ACOXL: variants seen among roughly 807,000 people sequenced by gnomAD.
The protein encoded by ACOXL is acyl-CoA oxidase like, also known as acyl-coenzyme A oxidase-like protein.
A neutral mutation model predicts 71.9 loss-of-function variants in ACOXL; 70 were observed. That is an observed-to-expected ratio of 0.97 (90% CI 0.80 to 1.19). The LOEUF (loss-of-function observed/expected upper bound fraction) is 1.19. ACOXL is among the 50% of genes most tolerant of loss of function. The pLI, the probability that ACOXL is intolerant of heterozygous loss-of-function variation, is 0.00. For missense variants in ACOXL, 703 were observed against 736.3 expected (o/e 0.95, Z 0.52); for synonymous variants, 253 against 281.6 (o/e 0.90, Z 1.02).
At chr2:110,860,408 C>T (rs11899021) in intron 10 of ACOXL, among the ~76,000 whole-genome samples, 6,175 of 152,264 alleles carry the variant, frequency 0.041, 215 homozygotes, top group African/African-American at 0.082. Flanking sequence ...CATGAGCCAC[C>T]GCGCCCAGCC....
chr2:110,805,517 C>T (rs570896243), intron 9 of ACOXL, 122 bp downstream of exon 9: 195 of 1,371,252 alleles, frequency 1.4e-4, no homozygotes, highest in Middle Eastern at 6.9e-4. Context: ...CCAGGGTTCC[C>T]GGTTAGATGC....
intron 11 of ACOXL, among the ~76,000 whole-genome samples, chr2:110,927,407 C>T (rs539321804): frequency 1.3e-5 from 2 of 152,316 alleles, no homozygotes; most frequent in Non-Finnish European, 2.9e-5. Context: ...TTCCCACTTC[C>T]ACCCCACCCA....
At chr2:110,954,669 C>A (rs1029537736) in intron 12 of ACOXL, among the ~76,000 whole-genome samples, 1 of 152,176 alleles carries the variant, frequency 6.6e-6, no homozygotes, top group Admixed American at 6.5e-5. Context: ...TTTTCTGATC[C>A]CACAAATTAG....
intron 17 of ACOXL, among the ~76,000 whole-genome samples, chr2:111,103,585 T>C (rs937771391): frequency 6.6e-6 from 1 of 152,214 alleles, no homozygotes; most frequent in African/African-American, 2.4e-5. Flanking sequence ...ACTTTGGGGA[T>C]GCAGGTGTCC....
intron 2 of ACOXL, among the ~76,000 whole-genome samples, chr2:110,776,757 G>A (rs1054549904): frequency 6.6e-6 from 1 of 152,028 alleles, no homozygotes; most frequent in African/African-American, 2.4e-5. Flanking sequence ...TCTTCAGACC[G>A]GATAAAATGG....
intron 14 of ACOXL, among the ~76,000 whole-genome samples, chr2:111,009,295 C>T (rs1257136111): frequency 6.6e-6 from 1 of 152,004 alleles, no homozygotes; most frequent in Non-Finnish European, 1.5e-5. Flanking sequence ...AGGCAGATCA[C>T]TTGAGGTCAA....
At chr2:110,978,069 G>T (rs530017694) in intron 12 of ACOXL, among the ~76,000 whole-genome samples, 7 of 152,274 alleles carry the variant, frequency 4.6e-5, no homozygotes, top group Non-Finnish European at 8.8e-5. Context: ...GGTATGATGT[G>T]CTTGCTGCTT....
At chr2:110,890,518 C>G (rs1311593028) in intron 10 of ACOXL, among the ~76,000 whole-genome samples, 1 of 152,152 alleles carries the variant, frequency 6.6e-6, no homozygotes, top group Non-Finnish European at 1.5e-5. Flanking sequence ...AAACTTCTTT[C>G]TTTTTCATGT....
chr2:110,976,814 A>G (rs1394096136), intron 12 of ACOXL, among the ~76,000 whole-genome samples: 2 of 152,234 alleles, frequency 1.3e-5, no homozygotes, highest in Admixed American at 1.3e-4. Flanking sequence ...TTCTTGAAAC[A>G]AGAGAAAGAA....
chr2:111,092,641 A>G (rs1309173541), intron 16 of ACOXL, among the ~76,000 whole-genome samples: 1 of 152,090 alleles, frequency 6.6e-6, no homozygotes, highest in African/African-American at 2.4e-5. Flanking sequence ...TCGTTATGCT[A>G]TTTGTTCTAC....
chr2:110,965,651 C>T (rs1338099561), intron 12 of ACOXL, among the ~76,000 whole-genome samples: 1 of 152,140 alleles, frequency 6.6e-6, no homozygotes, highest in Non-Finnish European at 1.5e-5. Context: ...CAAAAAAGGA[C>T]AATAGGGACT....
In ACOXL at chr2:110,833,492, C is replaced by A. The variant is rs373329466; in HGVS notation, c.754-7879C>A. Among the ~76,000 whole-genome samples the A allele has an allele frequency of 2.6e-5, 4 of 152,250 alleles. No homozygotes were observed. The South Asian group carries it at 8.3e-4, about 32-fold the overall frequency. ...GGATGCTTGCGGGGATGGAGATGTC[C>A]TGTGGCTTGACTCTATCAGGGGAGT... On this transcript the variant is annotated intron_variant, in intron 9 of 17. Coordinates refer to ENST00000439055, the MANE Select transcript of ACOXL (RefSeq NM_001142807.4).
chr2:110,941,933 C>G (rs1661842490), intron 12 of ACOXL, among the ~76,000 whole-genome samples: 3 of 152,060 alleles, frequency 2.0e-5, no homozygotes, highest in African/African-American at 7.2e-5. Context: ...GTTTTTAGCA[C>G]TTAAATATCT....
intron 13 of ACOXL, among the ~76,000 whole-genome samples, chr2:110,988,646 A>G (rs1224633120): frequency 6.6e-6 from 1 of 152,098 alleles, no homozygotes; most frequent in Non-Finnish European, 1.5e-5. Flanking sequence ...AGCAGCATGT[A>G]TCTTGTGGGG....
Position 111,073,580 on chromosome 2 carries a change from T to TCC in ACOXL, c.1441-19285_1441-19284insCC, listed in dbSNP as rs1165677790. Among the ~76,000 whole-genome samples the TCC allele has an allele frequency of 2.0e-5, 3 of 152,194 alleles. No individual in the cohort carries two copies. The East Asian group carries it at 5.8e-4, about 29-fold the overall frequency. On this transcript the variant is annotated intron_variant, in intron 16 of 17. Transcript: ENST00000439055. Reference sequence around the variant, plus strand: ...GAAAAAATATTTGGACATATTTGTGTAGAATTATTTCTGGATTTTTATATT... The same window carrying TCC: ...GAAAAAATATTTGGACATATTTGTGTCCAGAATTATTTCTGGATTTTTATATT...
At chr2:111,081,840 A>G (rs911398294) in intron 16 of ACOXL, among the ~76,000 whole-genome samples, 7 of 152,222 alleles carry the variant, frequency 4.6e-5, no homozygotes, top group Non-Finnish European at 7.3e-5. Context: ...GACCAATGGA[A>G]CAGAACAGAG....
intron 10 of ACOXL, among the ~76,000 whole-genome samples, chr2:110,860,989 C>T (rs1206612312): frequency 2.6e-5 from 4 of 152,152 alleles, no homozygotes; most frequent in Non-Finnish European, 4.4e-5. Flanking sequence ...ACAAGGCATA[C>T]GCCTGTAATC....
At position 110,784,929 on chromosome 2, in the gene ACOXL, TA is replaced by T. The variant is rs1210915288; in HGVS notation, c.159+118del. ...GTCTATGTAGTGGCACAGGTGTTGG[TA>T]AAATTGCATACCTCAAAACCTGTGC... On this transcript the variant is annotated intron_variant, in intron 3 of 17. Coordinates refer to ENST00000439055, the MANE Select transcript of ACOXL (RefSeq NM_001142807.4). 1.0e-5 allele frequency: 8 copies of T among 788,806 alleles called. No homozygotes were observed. The African/African-American group carries it at 1.3e-4, about 12-fold the overall frequency. 48.9% of individuals were successfully genotyped at this position (788,806 alleles called of 1,614,324 possible).
At chr2:110,928,635 T>C (rs1467507992) in intron 11 of ACOXL, among the ~76,000 whole-genome samples, 1 of 152,224 alleles carries the variant, frequency 6.6e-6, no homozygotes, top group Non-Finnish European at 1.5e-5. Flanking sequence ...GTTTTAGATA[T>C]ATTGTGGTAT....
Sources: allele counts gnomAD v4.1 joint callset (sites outside exome capture counted in the v4.1 genomes callset), GRCh38; gene constraint gnomAD v4.1.1; transcripts MANE v1.5; gene names NCBI Gene and HGNC (gene_info 2026-07-23, HGNC 2026-07-21).